The following STXBP2 variants were observed in gnomAD, a reference collection of about 807,000 sequenced individuals.
The protein encoded by STXBP2 is syntaxin binding protein 2, also known as syntaxin-binding protein 2.
Under a neutral mutation model 72.2 loss-of-function variants are expected in STXBP2, and 47 were observed. The observed-to-expected ratio is 0.65, with a 90% CI of 0.51 to 0.83. STXBP2 has a LOEUF of 0.83. Ranked by LOEUF, STXBP2 falls within the 40% of genes least tolerant of loss-of-function variation. The pLI is 0.00. For missense variants in STXBP2, 702 were observed against 807.6 expected, an observed-to-expected ratio of 0.87 and a Z score of 1.58; for synonymous variants, 367 against 338.7, an observed-to-expected ratio of 1.08 and a Z score of -0.92.
Position 7,639,031 on chromosome 19 carries a change from G to A in STXBP2, c.100G>A (p.Asp34Asn). The A allele has an allele frequency of 6.2e-7, 1 of 1,614,208 alleles. No individual in the cohort carries two copies. Among genetic ancestry groups the A allele is most frequent in the Non-Finnish European group, 8.5e-7 (1 of 1,180,036 alleles). ...KDGEWKVLIMDHPSMRILSSC... is the reference protein window; with the variant it reads ...KDGEWKVLIMNHPSMRILSSC... ...TCCATCTGGACAGGTGCTTATCATG[G>A]ATCACCCAAGCATGCGCATCTTGTC... The change falls in exon 3 of 19, where the codon GAT (aspartate) becomes AAT (asparagine). Residue 34 changes from aspartate (D) to asparagine (N), a missense_variant. Transcript: ENST00000221283.
At chr19:7,632,398 A>T (rs1568458660), upstream of STXBP2, 1 of 1,613,408 alleles carries the variant, frequency 6.2e-7, no homozygotes. This position sits in a 1 kb window ranked among gnomAD's most constrained non-coding sequence, Gnocchi z 5.2. Context: ...CCTACCTTGG[A>T]CCCCACGGGC....
chr19:7,631,684 G>C, the STXBP2 span: 1 of 1,459,368 alleles, frequency 6.9e-7, no homozygotes, highest in Non-Finnish European at 9.0e-7. Flanking sequence ...GGATGCCTCA[G>C]GCCCTCAGGG....
Position 7,637,117 on chromosome 19 carries a change from A to T in STXBP2, c.-33A>T. On this transcript the variant is annotated 5_prime_UTR_variant, in exon 1 of 19. Coordinates refer to ENST00000221283, the MANE Select transcript of STXBP2 (RefSeq NM_006949.4). Reference sequence around the variant, plus strand: ...GGGCCACGCCCCCACCTTGGGACACACCCGGAAGCGGCGGCGGCGCCCCTC... The same window carrying T: ...GGGCCACGCCCCCACCTTGGGACACTCCCGGAAGCGGCGGCGGCGCCCCTC... 8.1e-7 allele frequency: 1 copy of T among 1,239,318 alleles called. No homozygotes were observed. Among genetic ancestry groups the T allele is most frequent in the Non-Finnish European group, 1.0e-6 (1 of 987,958 alleles). The allele number at this position is 1,239,318 out of a possible 1,614,324, so 76.8% of individuals were successfully genotyped here. A position where few individuals can be genotyped will look rare whatever the true frequency, so the allele number is the denominator to read the frequency against.
intron 16 of STXBP2, 70 bp from the exon 17 acceptor site, chr19:7,647,092 C>A: frequency 6.5e-7 from 1 of 1,536,532 alleles, no homozygotes. Context: ...CTGAATACCC[C>A]GTGGGGGGCA....
upstream of STXBP2, chr19:7,633,089 T>G: frequency 1.7e-6 from 2 of 1,196,650 alleles, no homozygotes; most frequent in Non-Finnish European, 2.3e-6. Flanking sequence ...CAGGCTCCGA[T>G]GCGTGTCCCG....
chr19:7,642,187 C>G lies in STXBP2; in HGVS notation c.664-16C>G. ...TCAGGGTCAGTGCCTCATTCCTGCC[C>G]TAAACCCCACCCCAGGGCCCAGAGA... On this transcript the variant is annotated splice_polypyrimidine_tract_variant and intron_variant, in intron 8 of 18. Transcript: ENST00000221283. This position sits in a 1 kb window ranked among gnomAD's most constrained non-coding sequence, Gnocchi z 6.0. The G allele has an allele frequency of 6.2e-7, 1 of 1,614,114 alleles. No individual in the cohort carries two copies. Among genetic ancestry groups the G allele is most frequent in the Middle Eastern group, 1.6e-4 (1 of 6,062 alleles).
At chr19:7,640,047 C>T in intron 4 of STXBP2, 1 of 619,230 alleles carries the variant, frequency 1.6e-6, no homozygotes, top group Non-Finnish European at 3.0e-6. Context: ...TCTGTGTGTG[C>T]ATTTGTGTGT....
chr19:7,641,151 G>A (rs1449558431), intron 6 of STXBP2, 148 bp downstream of exon 6: 1 of 842,130 alleles, frequency 1.2e-6, no homozygotes, highest in Admixed American at 2.0e-5. Flanking sequence ...GATCACTTGG[G>A]GCCAGGAGTT....
In STXBP2 at chr19:7,639,780, C is replaced by T. The variant is rs2031712905; in HGVS notation, c.219C>T (p.Ala73=). The T allele has an allele frequency of 3.1e-6, 5 of 1,613,884 alleles. No individual in the cohort carries two copies. Among genetic ancestry groups the T allele is most frequent in the Non-Finnish European group, 2.5e-6 (3 of 1,180,014 alleles). Residue 73 remains alanine (A), a synonymous_variant, in exon 4 of 19, where the codon GCC becomes GCT. Transcript: ENST00000221283. ...GGGAACCCATTCCCAGTCTGGAGGCCATTTATTTGCTGAGCCCCACGGAGA... is the reference window on the plus strand; with the variant it reads ...GGGAACCCATTCCCAGTCTGGAGGCTATTTATTTGCTGAGCCCCACGGAGA... ...KRREPIPSLE[A]IYLLSPTEKS...
Position 7,639,826 on chromosome 19 carries a change from G to C in STXBP2, c.246+19G>C, listed in dbSNP as rs377241944. ...GGAGAAGGTGCCTACATGAGTGAGCGTGTGTGTATGCGCGTGCATGCGTGT... is the reference window on the plus strand; with the variant it reads ...GGAGAAGGTGCCTACATGAGTGAGCCTGTGTGTATGCGCGTGCATGCGTGT... On this transcript the variant is annotated intron_variant, in intron 4 of 18. Transcript: ENST00000221283. The C allele has an allele frequency of 1.9e-6, 3 of 1,612,372 alleles. No individual in the cohort carries two copies. The highest frequency in any genetic ancestry group is 1.7e-6 in the Non-Finnish European group (2 of 1,179,288).
chr19:7,640,452 GTA>G (rs1193544821), intron 4 of STXBP2: 10 of 662,192 alleles, frequency 1.5e-5, no homozygotes, highest in African/African-American at 1.8e-5. Context: ...ATGTGTGTAT[GTA>G]TGTGTGTGCA....
At chr19:7,639,961 C>CAT (rs2031736401) in intron 4 of STXBP2, 154 bp downstream of exon 4, 1 of 829,308 alleles carries the variant, frequency 1.2e-6, no homozygotes, top group African/African-American at 1.7e-5. Context: ...TGTGTGTGTG[C>CAT]ATCTGTGTAT....
chr19:7,630,975 G>T, the STXBP2 span: 1 of 1,188,308 alleles, frequency 8.4e-7, no homozygotes, highest in Non-Finnish European at 1.2e-6. Flanking sequence ...ATGGGAGGCT[G>T]AGGTGGGTAG....
At chr19:7,639,830 GTGTA>G (rs760504888) in intron 4 of STXBP2, 23 bp downstream of exon 4, 25 of 1,611,538 alleles carry the variant, frequency 1.6e-5, no homozygotes, top group African/African-American at 9.4e-5. Context: ...GTGAGCGTGT[GTGTA>G]TGCGCGTGCA....
chr19:7,640,218 G>C (rs1183932737), intron 4 of STXBP2: 1 of 549,666 alleles, frequency 1.8e-6, no homozygotes, highest in African/African-American at 1.9e-5. Context: ...GTATGTGTCT[G>C]CGTCTGTGTG....
chr19:7,644,914 C>T, intron 14 of STXBP2, 162 bp downstream of exon 14: 1 of 1,472,138 alleles, frequency 6.8e-7, no homozygotes, highest in East Asian at 2.5e-5. Context: ...CCTCCATTGG[C>T]TTGGGGATTC....
upstream of STXBP2, chr19:7,631,932 G>T: frequency 9.8e-7 from 1 of 1,020,094 alleles, no homozygotes; most frequent in Non-Finnish European, 1.3e-6. Flanking sequence ...ACTGGTCTAT[G>T]TTTACCCTCA....
intron 15 of STXBP2, 92 bp from the exon 16 acceptor site, chr19:7,646,157 C>A: frequency 9.5e-7 from 1 of 1,052,986 alleles, no homozygotes; most frequent in Non-Finnish European, 1.4e-6. Context: ...TGCCTGCCAT[C>A]CCCCACCCTA....
Position 7,640,160 on chromosome 19 carries a change from A to ATG in STXBP2, c.246+364_246+365dup, listed in dbSNP as rs747213915. On this transcript the variant is annotated intron_variant, in intron 4 of 18. Transcript: ENST00000221283. ...TGTGTGTGCATCTGTGTGCATCTGT[A>ATG]TGTGTGTGTGTGCGTCTGTCTGTGT... 2.0e-4 allele frequency: 90 copies of ATG among 460,384 alleles called. 3 individuals carry two copies. Among genetic ancestry groups the ATG allele is most frequent in the South Asian group, 4.1e-4 (25 of 61,082 alleles). 28.5% of individuals were successfully genotyped at this position (460,384 alleles called of 1,614,324 possible).
Sources: allele counts gnomAD v4.1 joint callset, GRCh38; gene constraint gnomAD v4.1.1; non-coding constraint Gnocchi (gnomAD v3.1); transcripts MANE v1.5; gene names NCBI Gene and HGNC (gene_info 2026-07-23, HGNC 2026-07-21).